Variants in PARD3 observed in about 807,000 individuals in gnomAD.
PARD3 encodes par-3 family cell polarity regulator.
A neutral mutation model predicts 155.4 loss-of-function variants in PARD3; 75 were observed. The observed-to-expected ratio is 0.48, with a 90% CI of 0.40 to 0.58. The LOEUF (loss-of-function observed/expected upper bound fraction) is 0.58, where lower values mean the gene tolerates loss of function less well. Among genes scored for constraint, PARD3 ranks in the 20% least tolerant of loss-of-function variants. PARD3 has a pLI of 0.00. For synonymous variants in PARD3, 576 were observed against 610.5 expected, an observed-to-expected ratio of 0.94 and a Z score of 0.83; for missense variants, 1,642 against 1,721.7, an observed-to-expected ratio of 0.95 and a Z score of 0.82.
chr10:34,783,138 A>C (rs918425309), intron 1 of PARD3, among the ~76,000 whole-genome samples: 8 of 152,224 alleles, frequency 5.3e-5, no homozygotes, highest in African/African-American at 1.9e-4. Context: ...GACAATAGGT[A>C]AAAAGCATTA....
chr10:34,200,695 C>T (rs1007288396), intron 22 of PARD3, among the ~76,000 whole-genome samples: 35 of 152,270 alleles, frequency 2.3e-4, no homozygotes, highest in African/African-American at 5.1e-4. Context: ...GACACAGAGT[C>T]GTGACAACAG....
chr10:34,782,956 C>A (rs2134181868), intron 1 of PARD3, among the ~76,000 whole-genome samples: 1 of 152,208 alleles, frequency 6.6e-6, no homozygotes, highest in East Asian at 1.9e-4. Flanking sequence ...AACTCCTGAC[C>A]TCAGATGATC....
intron 5 of PARD3, among the ~76,000 whole-genome samples, chr10:34,403,272 T>C (rs1844094020): frequency 1.3e-5 from 2 of 152,214 alleles, no homozygotes; most frequent in African/African-American, 4.8e-5. Context: ...GATTTTATTG[T>C]GAACTTTTTT....
chr10:34,230,270 A>C (rs541721373), intron 22 of PARD3, among the ~76,000 whole-genome samples: 1 of 152,230 alleles, frequency 6.6e-6, no homozygotes, highest in South Asian at 2.1e-4. Flanking sequence ...AGCAGGGAGA[A>C]ACACACCAGG....
intron 22 of PARD3, among the ~76,000 whole-genome samples, chr10:34,237,268 C>T (rs1953293694): frequency 6.6e-6 from 1 of 152,152 alleles, no homozygotes; most frequent in South Asian, 2.1e-4. Flanking sequence ...CACTACACTG[C>T]CTAGAGTTAA....
intron 22 of PARD3, among the ~76,000 whole-genome samples, chr10:34,251,626 G>A (rs1954312706): frequency 6.6e-6 from 1 of 152,118 alleles, no homozygotes; most frequent in Non-Finnish European, 1.5e-5. Flanking sequence ...GTATGGTGTT[G>A]TATCAAATCC....
intron 23 of PARD3, among the ~76,000 whole-genome samples, chr10:34,125,987 A>G (rs1947268739): frequency 6.6e-6 from 1 of 152,244 alleles, no homozygotes; most frequent in Non-Finnish European, 1.5e-5. Flanking sequence ...TTTAAAAGCA[A>G]CACTAAGTCC....
At chr10:34,793,922 T>C (rs1366754200) in intron 1 of PARD3, among the ~76,000 whole-genome samples, 1 of 152,164 alleles carries the variant, frequency 6.6e-6, no homozygotes. Flanking sequence ...CAATTAGAGG[T>C]AAAGTATCTC....
At chr10:34,699,919 C>T (rs1435148817) in intron 1 of PARD3, among the ~76,000 whole-genome samples, 1 of 152,046 alleles carries the variant, frequency 6.6e-6, no homozygotes, top group Non-Finnish European at 1.5e-5. Context: ...TTTATACTAC[C>T]AATAAATTCT....
chr10:34,509,122 CT>C (rs2133530781), intron 3 of PARD3, among the ~76,000 whole-genome samples: 1 of 152,120 alleles, frequency 6.6e-6, no homozygotes, highest in Non-Finnish European at 1.5e-5. Context: ...GTAGAATATA[CT>C]CCCATAAAGT....
At chr10:34,224,208 C>T (rs559137096) in intron 22 of PARD3, among the ~76,000 whole-genome samples, 1 of 152,286 alleles carries the variant, frequency 6.6e-6, no homozygotes, top group East Asian at 1.9e-4. Flanking sequence ...TTTCATAAGA[C>T]ACAGTTAAGA....
chr10:34,389,086 T>C (rs1167622327), intron 7 of PARD3, among the ~76,000 whole-genome samples: 2 of 152,022 alleles, frequency 1.3e-5, no homozygotes, highest in African/African-American at 4.8e-5. Flanking sequence ...CCAAATCTAT[T>C]CCTCTTCTAG....
At chr10:34,126,176 C>G in intron 23 of PARD3, among the ~76,000 whole-genome samples, 1 of 152,132 alleles carries the variant, frequency 6.6e-6, no homozygotes. Flanking sequence ...AATTATGGAG[C>G]TAAGGAAATT....
chr10:34,311,773 A>G (rs760430345), intron 20 of PARD3, among the ~76,000 whole-genome samples: 3 of 152,132 alleles, frequency 2.0e-5, no homozygotes, highest in Non-Finnish European at 4.4e-5. Context: ...TTTTTGGTCT[A>G]AACTCTGTAA....
chr10:34,518,090 G>C lies in PARD3; in HGVS notation c.223-931C>G, dbSNP rs112012264. On this transcript the variant is annotated intron_variant, in intron 2 of 24. Transcript: ENST00000374788. The stretch of plus-strand genomic sequence containing the variant: ...GACAGGGTTTCATCATATTGGCCAG[G>C]CCAGTCTCAAACTTCTGACCTCAAC... 2.6e-3 allele frequency among the ~76,000 whole-genome samples: 390 copies of C among 152,172 alleles called. 3 individuals carry two copies. Among genetic ancestry groups the C allele is most frequent in the African/African-American group, 8.7e-3 (360 of 41,512 alleles).
At chr10:34,613,692 G>A (rs988281162) in intron 2 of PARD3, among the ~76,000 whole-genome samples, 2 of 152,022 alleles carry the variant, frequency 1.3e-5, no homozygotes, top group South Asian at 2.1e-4. Context: ...AGGAAAAAGG[G>A]CAAACAAATT....
At chr10:34,128,046 T>C (rs1041725927) in intron 23 of PARD3, among the ~76,000 whole-genome samples, 6 of 152,158 alleles carry the variant, frequency 3.9e-5, no homozygotes, top group Non-Finnish European at 8.8e-5. Context: ...AGAAGACAAT[T>C]AGAGATTTTC....
At chr10:34,754,258 A>ATGAG (rs1260201314) in intron 1 of PARD3, among the ~76,000 whole-genome samples, 1 of 152,192 alleles carries the variant, frequency 6.6e-6, no homozygotes, top group East Asian at 1.9e-4. Context: ...CTCTTGCCTC[A>ATGAG]GCCTCCCAAA....
intron 1 of PARD3, among the ~76,000 whole-genome samples, chr10:34,753,326 C>T (rs921496553): frequency 2.0e-5 from 3 of 152,222 alleles, no homozygotes; most frequent in African/African-American, 7.2e-5. Context: ...CCTTGAAGAA[C>T]AGGCAGACGA....
Sources: gnomAD v4.1 joint callset for allele counts (sites outside exome capture counted in the v4.1 genomes callset) on GRCh38, gnomAD v4.1.1 for gene constraint, MANE v1.5 for transcripts, NCBI Gene and HGNC (gene_info 2026-07-23, HGNC 2026-07-21) for gene names.